The following GPAM variants were observed in gnomAD, a reference collection of about 807,000 sequenced individuals.
GPAM encodes the protein glycerol-3-phosphate acyltransferase 1, mitochondrial.
A neutral mutation model predicts 105.0 loss-of-function variants in GPAM; 56 were observed. That is an observed-to-expected ratio of 0.53 (90% CI 0.43 to 0.67). GPAM has a LOEUF of 0.67. GPAM is among the 30% of genes least tolerant of loss of function. The pLI is 0.00. For missense variants in GPAM, 855 were observed against 989.8 expected, an observed-to-expected ratio of 0.86 and a Z score of 1.83; for synonymous variants, 368 against 354.4, an observed-to-expected ratio of 1.04 and a Z score of -0.43.
intron 1 of GPAM, among the ~76,000 whole-genome samples, chr10:112,204,288 C>A (rs1418128943): frequency 1.4e-5 from 2 of 146,442 alleles, no homozygotes; most frequent in African/African-American, 2.6e-5. Context: ...GAAGAGACAA[C>A]CCTTTCAAGG....
intron 1 of GPAM, among the ~76,000 whole-genome samples, chr10:112,193,717 C>T (rs576163954): frequency 2.0e-4 from 30 of 152,306 alleles, no homozygotes; most frequent in African/African-American, 4.8e-4. Flanking sequence ...GTAGTTAGAG[C>T]TGCGCTAGCA....
chr10:112,169,389 A>G (rs1235049851), intron 9 of GPAM, among the ~76,000 whole-genome samples: 1 of 152,188 alleles, frequency 6.6e-6, no homozygotes, highest in African/African-American at 2.4e-5. Context: ...CCTTGGGGGA[A>G]ATTTTCTCAA....
At position 112,152,758 on chromosome 10, in the gene GPAM, T is replaced by C. The variant is rs944750997; in HGVS notation, c.*792A>G. The C allele has an allele frequency of 1.1e-6, 1 of 903,410 alleles. No homozygotes were observed. The highest frequency in any genetic ancestry group is 1.8e-5 in the African/African-American group (1 of 55,592). The allele number at this position is 903,410 out of a possible 1,614,324, so 56.0% of individuals were successfully genotyped here. On this transcript the variant is annotated 3_prime_UTR_variant, in exon 22 of 22. Coordinates refer to ENST00000348367, the MANE Select transcript of GPAM (RefSeq NM_001244949.2). ...AAACAGGAAGGGTTCTAAATATATT[T>C]GCTGGTCATTTGAAACTCAATGGCA...
intron 1 of GPAM, among the ~76,000 whole-genome samples, chr10:112,195,177 C>T (rs1031887780): frequency 1.3e-5 from 2 of 152,176 alleles, no homozygotes; most frequent in Admixed American, 1.3e-4. Flanking sequence ...CCAGCCTAAA[C>T]ATTTGAAAAT....
upstream of GPAM, among the ~76,000 whole-genome samples, chr10:112,186,138 G>GA (rs544519683): frequency 2.3e-3 from 343 of 149,736 alleles, 1 homozygote; most frequent in African/African-American, 8.0e-3. Context: ...CTATCAGAGA[G>GA]AAAAAAAAAG....
chr10:112,209,854 A>C (rs185490850), intron 1 of GPAM, among the ~76,000 whole-genome samples: 192 of 152,342 alleles, frequency 1.3e-3, no homozygotes, highest in African/African-American at 4.5e-3. Context: ...TTTTATGGCC[A>C]ATCTGATTTC....
intron 2 of GPAM, 69 bp downstream of exon 2, chr10:112,182,725 A>T (rs1345575540): frequency 6.6e-6 from 1 of 152,218 alleles, no homozygotes; most frequent in African/African-American, 2.4e-5. Context: ...ATAACCACCT[A>T]TGTCCTTAAA....
At chr10:112,200,266 G>C (rs1047186989) in intron 1 of GPAM, among the ~76,000 whole-genome samples, 1 of 147,646 alleles carries the variant, frequency 6.8e-6, no homozygotes. Context: ...GAGAGAGAGA[G>C]AGAATAGTTT....
Position 112,152,617 on chromosome 10 carries a change from T to C in GPAM, c.*933A>G. The C allele has an allele frequency of 1.0e-6, 1 of 985,356 alleles. No homozygotes were observed. The highest frequency in any genetic ancestry group is 1.2e-6 in the Non-Finnish European group (1 of 829,834). 61.0% of individuals were successfully genotyped at this position (985,356 alleles called of 1,614,324 possible). On this transcript the variant is annotated 3_prime_UTR_variant, in exon 22 of 22. Transcript: ENST00000348367. ...GCCAGAGAACTGTATTCTAACAGTC[T>C]GTCAGCTCAAGCTAATCAAGTTAGG...
At chr10:112,156,946 C>T in intron 19 of GPAM, 1 of 534,004 alleles carries the variant, frequency 1.9e-6, no homozygotes, top group Non-Finnish European at 3.3e-6. Flanking sequence ...AGCAAAACTG[C>T]TGCCTCATGA....
intron 1 of GPAM, among the ~76,000 whole-genome samples, chr10:112,194,001 T>C (rs773850532): frequency 1.2e-4 from 19 of 152,174 alleles, no homozygotes; most frequent in Admixed American, 3.9e-4. Flanking sequence ...ATGCGCTAGA[T>C]TATAATACAG....
Position 112,151,573 on chromosome 10 carries a change from C to G in GPAM, c.*1977G>C. On this transcript the variant is annotated 3_prime_UTR_variant, in exon 22 of 22. Transcript: ENST00000348367. The stretch of plus-strand genomic sequence containing the variant: ...TCTGAACGTACTTCTAGAAAACAAA[C>G]CAACCAAAAGGGAAAATAATGCAAG... 1 of 985,760 alleles carries G rather than the reference C, an allele frequency of 1.0e-6. No individual in the cohort carries two copies. Among genetic ancestry groups the G allele is most frequent in the Non-Finnish European group, 1.2e-6 (1 of 829,920 alleles). 61.1% of individuals were successfully genotyped at this position (985,760 alleles called of 1,614,324 possible).
chr10:112,172,136 A>C, intron 9 of GPAM, 46 bp downstream of exon 9: 1 of 1,415,670 alleles, frequency 7.1e-7, no homozygotes, highest in Non-Finnish European at 1.0e-6. Flanking sequence ...AAAATTCAAA[A>C]CATAATCTTT....
At chr10:112,204,996 A>C (rs1292259683) in intron 1 of GPAM, among the ~76,000 whole-genome samples, 1 of 45,004 alleles carries the variant, frequency 2.2e-5, no homozygotes, top group South Asian at 9.1e-4. Flanking sequence ...AATGTACAAA[A>C]ATCACAAGCA....
rs565978440 is a variant in GPAM at position 112,160,617 on chromosome 10, C to T, written c.1746G>A (p.Met582Ile). ...GGTCTGACATACCTATGATGGCCTCCATGATAAAGACATGAAGTACCCCAT... is the reference window on the plus strand; with the variant it reads ...GGTCTGACATACCTATGATGGCCTCTATGATAAAGACATGAAGTACCCCAT... Reference protein sequence around the residue: ...YSNGVLHVFIMEAIIACSLYA... With the variant: ...YSNGVLHVFIIEAIIACSLYA... Residue 582 changes from methionine (M) to isoleucine (I), a missense_variant, in exon 16 of 22, where the codon ATG becomes ATA. Met to Ile is a conservative substitution (Grantham distance 10, BLOSUM62 1). Coordinates refer to ENST00000348367, the MANE Select transcript of GPAM (RefSeq NM_001244949.2). 1 of 1,613,248 alleles carries T rather than the reference C, an allele frequency of 6.2e-7. No individual in the cohort carries two copies. The highest frequency in any genetic ancestry group is 1.3e-5 in the African/African-American group (1 of 74,998).
At chr10:112,168,227 T>C in intron 11 of GPAM, 85 bp downstream of exon 11, 1 of 840,718 alleles carries the variant, frequency 1.2e-6, no homozygotes, top group East Asian at 2.6e-5. Context: ...AAAAAAATTC[T>C]TAATTCTAAA....
At position 112,168,355 on chromosome 10, in the gene GPAM, G is replaced by A; in HGVS notation, c.1064C>T (p.Ser355Phe). Reference sequence around the variant, plus strand: ...GTGACCTTCGATAATGCGATCATAGGAGATTCCAACAGGTATTATCAAGAT... The same window carrying A: ...GTGACCTTCGATAATGCGATCATAGAAGATTCCAACAGGTATTATCAAGAT... Reference protein sequence around the residue: ...PDILIIPVGISYDRIIEGHYN... With the variant: ...PDILIIPVGIFYDRIIEGHYN... Residue 355 changes from serine (S) to phenylalanine (F), a missense_variant, in exon 11 of 22, where the codon TCC (serine) becomes TTC (phenylalanine). Coordinates refer to ENST00000348367, the MANE Select transcript of GPAM (RefSeq NM_001244949.2). The A allele has an allele frequency of 6.2e-7, 1 of 1,610,584 alleles. No individual in the cohort carries two copies. The highest frequency in any genetic ancestry group is 8.5e-7 in the Non-Finnish European group (1 of 1,176,798).
upstream of GPAM, among the ~76,000 whole-genome samples, chr10:112,215,584 C>T (rs1027324960): frequency 2.0e-5 from 3 of 152,028 alleles, no homozygotes; most frequent in African/African-American, 7.3e-5. Flanking sequence ...CTTCGCATTG[C>T]CTGGTGGGGA....
intron 19 of GPAM, 86 bp downstream of exon 19, chr10:112,157,163 A>T: frequency 8.7e-7 from 1 of 1,150,656 alleles, no homozygotes; most frequent in East Asian, 2.3e-5. Context: ...AGATAAGAAG[A>T]CATCACCAGG....
Sources: allele counts gnomAD v4.1 joint callset (sites outside exome capture counted in the v4.1 genomes callset), GRCh38; gene constraint gnomAD v4.1.1; transcripts MANE v1.5; gene names NCBI Gene and HGNC (gene_info 2026-07-23, HGNC 2026-07-21).